The following ATP8A1 variants were observed in gnomAD, a reference collection of about 807,000 sequenced individuals.
The protein encoded by ATP8A1 is ATPase phospholipid transporting 8A1.
Under a neutral mutation model 177.7 loss-of-function variants are expected in ATP8A1, and 90 were observed. That is an observed-to-expected ratio of 0.51 (90% CI 0.43 to 0.60). The LOEUF is 0.60. Among genes scored for constraint, ATP8A1 ranks in the 20% least tolerant of loss-of-function variants. ATP8A1 has a pLI of 0.00. For synonymous variants in ATP8A1, 493 were observed against 485.9 expected (o/e 1.01, Z -0.19); for missense variants, 1,072 against 1,392.8 (o/e 0.77, Z 3.67).
At chr4:42,473,892 A>G (rs1043925623) in intron 25 of ATP8A1, among the ~76,000 whole-genome samples, 1 of 150,404 alleles carries the variant, frequency 6.6e-6, no homozygotes, top group Non-Finnish European at 1.5e-5. Context: ...GGCCTCAAGC[A>G]ATCCTTCCAC....
chr4:42,472,362 C>T, intron 25 of ATP8A1: 1 of 395,366 alleles, frequency 2.5e-6, no homozygotes, highest in Non-Finnish European at 4.9e-6. Context: ...ATTTTGAATT[C>T]CCAGAGTTTC....
At chr4:42,584,722 G>A (rs749651777) in intron 9 of ATP8A1, among the ~76,000 whole-genome samples, 1 of 152,122 alleles carries the variant, frequency 6.6e-6, no homozygotes, top group Non-Finnish European at 1.5e-5. Context: ...CCATCCTCAT[G>A]GCTTTAAATA....
At chr4:42,432,621 G>A (rs777632179) in intron 33 of ATP8A1, among the ~76,000 whole-genome samples, 18 of 152,158 alleles carry the variant, frequency 1.2e-4, no homozygotes, top group Non-Finnish European at 5.9e-5. Flanking sequence ...TGGGTGGTAC[G>A]CAAGCATCCC....
chr4:42,654,467 C>T (rs1365263043), intron 1 of ATP8A1, among the ~76,000 whole-genome samples: 3 of 152,064 alleles, frequency 2.0e-5, no homozygotes, highest in East Asian at 1.9e-4. Context: ...CTATAAAATT[C>T]GGGAGGGCAG....
At chr4:42,594,516 T>C (rs1399568534) in intron 6 of ATP8A1, among the ~76,000 whole-genome samples, 1 of 151,810 alleles carries the variant, frequency 6.6e-6, no homozygotes, top group African/African-American at 2.4e-5. Flanking sequence ...TATCTAGGAG[T>C]GAGACCAGGG....
At chr4:42,581,033 T>C (rs1027336260) in intron 10 of ATP8A1, among the ~76,000 whole-genome samples, 3 of 152,184 alleles carry the variant, frequency 2.0e-5, no homozygotes, top group Admixed American at 6.5e-5. Flanking sequence ...ATCACTATAA[T>C]AGTTAGTAAA....
chr4:42,516,600 T>C (rs1363067532), intron 22 of ATP8A1, among the ~76,000 whole-genome samples: 7 of 152,366 alleles, frequency 4.6e-5, no homozygotes, highest in Non-Finnish European at 8.8e-5. Context: ...AAAGACATAA[T>C]TGTATTTTTC....
intron 20 of ATP8A1, among the ~76,000 whole-genome samples, chr4:42,539,170 A>G (rs1728133079): frequency 6.6e-6 from 1 of 152,110 alleles, no homozygotes; most frequent in African/African-American, 2.4e-5. Context: ...GAAACCAAAC[A>G]TCATATGTTC....
At chr4:42,505,083 C>T (rs1464276500) in intron 23 of ATP8A1, among the ~76,000 whole-genome samples, 1 of 152,182 alleles carries the variant, frequency 6.6e-6, no homozygotes, top group East Asian at 1.9e-4. Flanking sequence ...TTCTTTATAG[C>T]AATCATTGAT....
intron 22 of ATP8A1, among the ~76,000 whole-genome samples, chr4:42,519,999 G>A (rs933076189): frequency 3.3e-5 from 5 of 152,070 alleles, no homozygotes; most frequent in Non-Finnish European, 7.4e-5. Flanking sequence ...TTTTAATGTA[G>A]CTCATGATCG....
At position 42,409,602 on chromosome 4, in the gene ATP8A1, CCAGGAA is replaced by C. The variant is rs1212332357; in HGVS notation, c.*3308_*3313del. 1 of 151,944 alleles carries C rather than the reference CCAGGAA, an allele frequency of 6.6e-6. No homozygotes were observed. Among genetic ancestry groups the C allele is most frequent in the Non-Finnish European group, 1.5e-5 (1 of 67,964 alleles). The allele number at this position is 151,944 out of a possible 1,614,324, so 9.4% of individuals were successfully genotyped here. On this transcript the variant is annotated 3_prime_UTR_variant, in exon 37 of 37. Transcript: ENST00000381668. The stretch of plus-strand genomic sequence containing the variant: ...ATTATACACTTAATAGGTTTTAAAA[CCAGGAA>C]CTATCAAAGGGCAACTGCACAAAAA...
At position 42,562,978 on chromosome 4, in the gene ATP8A1, C is replaced by T. The variant is rs147373073; in HGVS notation, c.1340+6183G>A. On this transcript the variant is annotated intron_variant, in intron 15 of 36. Transcript: ENST00000381668. ...TCAGCAGTGTGAAAACAGACTAATA[C>T]ATTAAATTGATACTAGTAGAGTGGG... 3.1e-3 allele frequency among the ~76,000 whole-genome samples: 478 copies of T among 152,284 alleles called. 4 individuals are homozygous for T. The highest frequency in any genetic ancestry group is 0.011 in the African/African-American group (452 of 41,558).
intron 29 of ATP8A1, among the ~76,000 whole-genome samples, chr4:42,454,364 T>C (rs1054147395): frequency 6.6e-6 from 1 of 152,224 alleles, no homozygotes; most frequent in Non-Finnish European, 1.5e-5. Flanking sequence ...TAAAATATCC[T>C]ACATTAACTG....
intron 5 of ATP8A1, among the ~76,000 whole-genome samples, chr4:42,604,071 C>T (rs1448463199): frequency 2.0e-5 from 3 of 152,146 alleles, no homozygotes; most frequent in African/African-American, 7.2e-5. Context: ...CTGTAGTGAG[C>T]GCACCATGCT....
At chr4:42,496,733 T>C (rs1015362188) in intron 24 of ATP8A1, among the ~76,000 whole-genome samples, 1 of 152,116 alleles carries the variant, frequency 6.6e-6, no homozygotes, top group Non-Finnish European at 1.5e-5. Flanking sequence ...TTATTTTATA[T>C]AGATATATAC....
chr4:42,567,443 G>A (rs1560468067), intron 15 of ATP8A1, among the ~76,000 whole-genome samples: 1 of 152,174 alleles, frequency 6.6e-6, no homozygotes, highest in Non-Finnish European at 1.5e-5. Flanking sequence ...GGAGGCTGAG[G>A]CAGGAGAATC....
intron 25 of ATP8A1, among the ~76,000 whole-genome samples, chr4:42,469,940 A>G (rs925943670): frequency 2.0e-5 from 3 of 152,236 alleles, no homozygotes; most frequent in Non-Finnish European, 4.4e-5. Flanking sequence ...GAATATCTAA[A>G]ACCTAAACAA....
At chr4:42,650,255 C>T (rs1436171693) in intron 1 of ATP8A1, among the ~76,000 whole-genome samples, 1 of 152,174 alleles carries the variant, frequency 6.6e-6, no homozygotes, top group Non-Finnish European at 1.5e-5. Flanking sequence ...CAGAATTACA[C>T]TAAGTAAAAT....
Position 42,478,082 on chromosome 4 carries a change from G to A in ATP8A1, c.2324+7414C>T, listed in dbSNP as rs183254314. ...AATAAAGGTAAAAAATTTTTTTGGC[G>A]GGCGGCTCATGCCTGTAATCCCAGC... On this transcript the variant is annotated intron_variant, in intron 25 of 36. Transcript: ENST00000381668. Among the ~76,000 whole-genome samples the A allele has an allele frequency of 2.1e-4, 32 of 151,938 alleles. No homozygotes were observed. In the East Asian group the frequency reaches 2.5e-3, roughly 12 times the overall value.
Sources: allele counts gnomAD v4.1 joint callset (sites outside exome capture counted in the v4.1 genomes callset), GRCh38; gene constraint gnomAD v4.1.1; transcripts MANE v1.5; gene names NCBI Gene and HGNC (gene_info 2026-07-23, HGNC 2026-07-21).